Variants in VWF observed in about 807,000 individuals in gnomAD.
VWF encodes the protein Factor VIII related antigen.
Under a neutral mutation model 308.6 loss-of-function variants are expected in VWF, and 176 were observed. The observed-to-expected ratio is 0.57, with a 90% CI of 0.50 to 0.65. The LOEUF (loss-of-function observed/expected upper bound fraction) is 0.65, where lower values mean the gene tolerates loss of function less well. VWF is among the 30% of genes least tolerant of loss of function. The pLI, the probability that VWF is intolerant of heterozygous loss-of-function variation, is 0.00. For missense variants in VWF, 3,146 were observed against 3,648.2 expected (o/e 0.86, Z 3.55); for synonymous variants, 1,385 against 1,443.4 (o/e 0.96, Z 0.92).
chr12:6,102,783 T>A (rs567917013), intron 5 of VWF, among the ~76,000 whole-genome samples: 1 of 151,976 alleles, frequency 6.6e-6, no homozygotes, highest in Non-Finnish European at 1.5e-5. Context: ...TGGATCAGAA[T>A]TCATATTGTT....
intron 34 of VWF, among the ~76,000 whole-genome samples, chr12:6,004,451 G>C (rs1408800712): frequency 6.6e-6 from 1 of 152,106 alleles, no homozygotes; most frequent in East Asian, 1.9e-4. Context: ...CATGATATGT[G>C]TGTGCACGTG....
chr12:6,060,923 G>C lies in VWF; in HGVS notation c.1533+2031C>G, dbSNP rs113519371. Among the ~76,000 whole-genome samples, 2 of 152,318 alleles carry C rather than the reference G, an allele frequency of 1.3e-5. No individual in the cohort carries two copies. The highest frequency in any genetic ancestry group is 4.1e-4 in the South Asian group (2 of 4,824). On this transcript the variant is annotated intron_variant, in intron 13 of 51. Transcript: ENST00000261405. The surrounding 1 kb of genome is among the most constrained non-coding windows in gnomAD (Gnocchi z 5.1). The stretch of plus-strand genomic sequence containing the variant: ...TGCTGAGAAAGTGGACTGGCTGGCC[G>C]GGCGTGGTGGCTCATGCCCGTAATC...
Position 6,064,319 on chromosome 12 carries a change from G to A in VWF, c.1359C>T (p.Asn453=), listed in dbSNP as rs1944687792. The change falls in exon 12 of 52, where the codon AAC becomes AAT. Residue 453 remains asparagine (N), a synonymous_variant. Coordinates refer to ENST00000261405, the MANE Select transcript of VWF (RefSeq NM_000552.5). ...CCCCATGCTTCAGTTTCACAAGGCT[G>A]TTGTGCAGGCCAGGCAGCCGGACGG... ...SVTVRLPGLH[N]SLVKLKHGAG... 1.2e-6 allele frequency: 2 copies of A among 1,614,196 alleles called. No homozygotes were observed. Among genetic ancestry groups the A allele is most frequent in the South Asian group, 2.2e-5 (2 of 91,082 alleles).
chr12:6,105,129 A>G (rs1229231045), intron 5 of VWF, among the ~76,000 whole-genome samples: 1 of 152,190 alleles, frequency 6.6e-6, no homozygotes, highest in Non-Finnish European at 1.5e-5. Context: ...GATGATGAGA[A>G]ATTACTTAAT....
chr12:6,057,212 C>T, intron 14 of VWF, 140 bp from the exon 15 acceptor site: 1 of 696,832 alleles, frequency 1.4e-6, no homozygotes, highest in Non-Finnish European at 2.3e-6. Flanking sequence ...GCAAATGCCA[C>T]CCCCACCCCC....
At chr12:6,086,636 A>G (rs903574378) in intron 6 of VWF, among the ~76,000 whole-genome samples, 1 of 152,196 alleles carries the variant, frequency 6.6e-6, no homozygotes, top group Non-Finnish European at 1.5e-5. Flanking sequence ...GAGAAGAAGG[A>G]GGGAAGGCAG....
chr12:6,051,050 T>C (rs1054661516), intron 16 of VWF, among the ~76,000 whole-genome samples: 2 of 152,236 alleles, frequency 1.3e-5, no homozygotes, highest in African/African-American at 2.4e-5. Context: ...CTTTACTTTT[T>C]TAATCGTTTA....
In VWF at chr12:6,024,364, T is replaced by G. The variant is rs1464766830; in HGVS notation, c.3223-577A>C. ...ACGCCTCTAAACACACTGGACTTTT[T>G]CAGGGCAGTTATGACAGAAAATGAA... On this transcript the variant is annotated intron_variant, in intron 24 of 51. Coordinates refer to ENST00000261405, the MANE Select transcript of VWF (RefSeq NM_000552.5). This position sits in a 1 kb window ranked among gnomAD's most constrained non-coding sequence, Gnocchi z 4.0. Among the ~76,000 whole-genome samples, 1 of 152,206 alleles carries G rather than the reference T, an allele frequency of 6.6e-6. No homozygotes were observed. The highest frequency in any genetic ancestry group is 1.5e-5 in the Non-Finnish European group (1 of 68,034).
chr12:6,033,744 T>G (rs1000467832), intron 20 of VWF, among the ~76,000 whole-genome samples: 4 of 151,456 alleles, frequency 2.6e-5, no homozygotes, highest in Non-Finnish European at 5.9e-5. Context: ...CCCAGCATGC[T>G]CTACACGAGT....
At position 6,016,639 on chromosome 12, in the gene VWF, C is replaced by A; in HGVS notation, c.5188G>T (p.Val1730Leu). 1 of 1,614,180 alleles carries A rather than the reference C, an allele frequency of 6.2e-7. No individual in the cohort carries two copies. Among genetic ancestry groups the A allele is most frequent in the Non-Finnish European group, 8.5e-7 (1 of 1,180,042 alleles). ...ATGCTTCCATACTGCAGCACTGACA[C>A]CTGAGTGAGACGAGGCCCTAAACGG... ...KANIGPRLTQ[V>L]SVLQYGSITT... The change falls in exon 30 of 52, where the codon GTG becomes TTG. Residue 1730 changes from valine to leucine, a missense_variant. By Grantham distance (32) the Val-to-Leu change is conservative. Coordinates refer to ENST00000261405, the MANE Select transcript of VWF (RefSeq NM_000552.5).
chr12:5,990,303 C>A lies in VWF; in HGVS notation c.6798+1516G>T, dbSNP rs186553081. Among the ~76,000 whole-genome samples the A allele has an allele frequency of 2.3e-3, 351 of 152,274 alleles. 1 individual carries two copies. Among genetic ancestry groups the A allele is most frequent in the African/African-American group, 7.8e-3 (326 of 41,552 alleles). On this transcript the variant is annotated intron_variant, in intron 38 of 51. Transcript: ENST00000261405. ...TGACTGATGTTATGAATATAAATCC[C>A]AGCTTTATCACCTCATGCCATTGAG... is the stretch of plus-strand genomic sequence containing the variant.
chr12:6,061,166 C>T (rs988589085), intron 13 of VWF, among the ~76,000 whole-genome samples: 1 of 152,042 alleles, frequency 6.6e-6, no homozygotes, highest in African/African-American at 2.4e-5. Flanking sequence ...GTGCCACTGC[C>T]CTCCAGCCTG....
intron 34 of VWF, among the ~76,000 whole-genome samples, chr12:5,998,494 AAAAAATATATATATATATATATAT>A (rs1943835594): frequency 2.7e-5 from 1 of 36,478 alleles, no homozygotes; most frequent in African/African-American, 1.4e-4. Flanking sequence ...AAAAAAAAAA[AAAAAATATATATATATATATATAT>A]ATATATATAT....
At chr12:6,123,303 G>T in intron 1 of VWF, 107 bp from the exon 2 acceptor site, 1 of 1,329,108 alleles carries the variant, frequency 7.5e-7, no homozygotes, top group Non-Finnish European at 1.1e-6. Context: ...TTTAAAGCAG[G>T]AGAAAAGATT....
In VWF at chr12:6,046,286, C is replaced by A. The variant is rs551935728; in HGVS notation, c.2281+437G>T. Among the ~76,000 whole-genome samples, 100 of 152,276 alleles carry A rather than the reference C, an allele frequency of 6.6e-4. 1 individual carries two copies. The highest frequency in any genetic ancestry group is 2.3e-3 in the African/African-American group (97 of 41,574). On this transcript the variant is annotated intron_variant, in intron 17 of 51. Coordinates refer to ENST00000261405, the MANE Select transcript of VWF (RefSeq NM_000552.5). The surrounding 1 kb of genome is among the most constrained non-coding windows in gnomAD (Gnocchi z 5.0). ...GGAGAGCAACGGACCCAACCCTTCT[C>A]TTTCTCTCTTTCAAACCCATCCAAG...
At chr12:6,018,325 T>C (rs777792649) in intron 28 of VWF, 40 bp downstream of exon 28, 1 of 1,589,100 alleles carries the variant, frequency 6.3e-7, no homozygotes, top group South Asian at 1.1e-5. Context: ...ATGCCAGCCC[T>C]CGCCCAGCCC....
At chr12:6,033,919 T>C (rs1391729434) in intron 20 of VWF, among the ~76,000 whole-genome samples, 1 of 152,236 alleles carries the variant, frequency 6.6e-6, no homozygotes, top group Admixed American at 6.5e-5. Flanking sequence ...GTTCAAAGCT[T>C]CACAGAGTAC....
Position 6,020,865 on chromosome 12 carries a change from C to A in VWF, c.3674+1035G>T, listed in dbSNP as rs576425551. Among the ~76,000 whole-genome samples the A allele has an allele frequency of 6.6e-6, 1 of 152,232 alleles. No individual in the cohort carries two copies. ...GTGCACCGTGGCAGCTGCCCCTGCC[C>A]GTGTGCCAGCAAAGGAGGTGGGGAG... On this transcript the variant is annotated intron_variant, in intron 27 of 51. Transcript: ENST00000261405. This position sits in a 1 kb window ranked among gnomAD's most constrained non-coding sequence, Gnocchi z 4.3.
intron 16 of VWF, among the ~76,000 whole-genome samples, chr12:6,051,638 T>C (rs1359894121): frequency 6.6e-6 from 1 of 152,088 alleles, no homozygotes; most frequent in African/African-American, 2.4e-5. Flanking sequence ...GTGACTGGAT[T>C]TCCCTCTGTC....
Sources: gnomAD v4.1 joint callset for allele counts (sites outside exome capture counted in the v4.1 genomes callset) on GRCh38, gnomAD v4.1.1 for gene constraint, Gnocchi (gnomAD v3.1) non-coding constraint, MANE v1.5 for transcripts, NCBI Gene and HGNC (gene_info 2026-07-23, HGNC 2026-07-21) for gene names.